Variants in NFE2L1 observed in about 807,000 individuals in gnomAD.
The protein encoded by NFE2L1 is NFE2 like bZIP transcription factor 1.
NFE2L1 carries 18 observed loss-of-function variants against 61.6 expected under a neutral mutation model. The ratio of observed to expected loss-of-function variants is 0.29; its 90% CI spans 0.20 to 0.43. NFE2L1 has a LOEUF of 0.43. NFE2L1 is among the 20% of genes least tolerant of loss of function. The pLI is 1.00. For missense variants in NFE2L1, 827 were observed against 973.5 expected (o/e 0.85, Z 2.00); for synonymous variants, 419 against 402.7 (o/e 1.04, Z -0.48).
intron 1 of NFE2L1, among the ~76,000 whole-genome samples, chr17:48,049,856 A>G (rs942768271): frequency 1.3e-5 from 2 of 152,172 alleles, no homozygotes; most frequent in African/African-American, 4.8e-5. Context: ...AGAAAAGACA[A>G]CTGTTATGGG....
At position 48,051,015 on chromosome 17, in the gene NFE2L1, CTG is replaced by C; in HGVS notation, c.-103_-102del. The C allele has an allele frequency of 7.0e-7, 1 of 1,437,512 alleles. No homozygotes were observed. Among genetic ancestry groups the C allele is most frequent in the Non-Finnish European group, 9.6e-7 (1 of 1,041,098 alleles). 89.0% of individuals were successfully genotyped at this position (1,437,512 alleles called of 1,614,324 possible). A position where few individuals can be genotyped will look rare whatever the true frequency, so the allele number is the denominator to read the frequency against. On this transcript the variant is annotated 5_prime_UTR_variant, in exon 2 of 6. It introduces an in-frame stop codon into an upstream open reading frame of the 5' UTR. Transcript: ENST00000362042. ...CCAGGGTGGGGTACGGGGTTTGACA[CTG>C]AGGAGGGTAACCTGCTGGCTGGAGC...
chr17:48,056,322 G>A, intron 2 of NFE2L1, 64 bp from the exon 3 acceptor site: 1 of 1,596,322 alleles, frequency 6.3e-7, no homozygotes, highest in Non-Finnish European at 8.6e-7. Context: ...AGGGAACTCT[G>A]AGGGGCAGGA....
intron 1 of NFE2L1, among the ~76,000 whole-genome samples, chr17:48,049,893 C>CA (rs1462867187): frequency 2.6e-5 from 4 of 152,114 alleles, no homozygotes; most frequent in Admixed American, 2.6e-4. Flanking sequence ...GGTGAAAATC[C>CA]AGCTTTACTT....
chr17:48,056,263 T>G (rs1598288526), intron 2 of NFE2L1, 123 bp from the exon 3 acceptor site: 9 of 961,794 alleles, frequency 9.4e-6, no homozygotes, highest in African/African-American at 3.2e-5. Flanking sequence ...GGCTGGCAGG[T>G]GAAGAGCTGG....
Position 48,057,356 on chromosome 17 carries a change from A to G in NFE2L1, c.826A>G (p.Ile276Val). Residue 276 changes from isoleucine to valine, a missense_variant, in exon 5 of 6, where the codon ATT becomes GTT. This residue lies in a region of NFE2L1 where 667 missense variants were observed against 748.4 expected (regional missense o/e 0.89). Transcript: ENST00000362042. The stretch of plus-strand genomic sequence containing the variant: ...TGTTTTGCCCTAGTTTCCAGCAGAC[A>G]TTTCCAGCATAACAGAAGCAGTGCC... Reference protein sequence around the residue: ...FGENAEFPADISSITEAVPSE... With the variant: ...FGENAEFPADVSSITEAVPSE... 1.2e-6 allele frequency: 2 copies of G among 1,613,550 alleles called. No homozygotes were observed. The highest frequency in any genetic ancestry group is 1.7e-6 in the Non-Finnish European group (2 of 1,179,826).
intron 2 of NFE2L1, among the ~76,000 whole-genome samples, chr17:48,053,764 G>C (rs908621494): frequency 2.0e-5 from 3 of 152,188 alleles, no homozygotes; most frequent in African/African-American, 7.2e-5. Flanking sequence ...CTGAGTCTGT[G>C]AGGGGCTTCT....
At chr17:48,050,477 T>TC in intron 1 of NFE2L1, 130 bp from the exon 2 acceptor site, 1 of 376,404 alleles carries the variant, frequency 2.7e-6, no homozygotes, top group Non-Finnish European at 4.7e-6. Context: ...AGACTCTGTC[T>TC]CAAAAAAAAA....
Position 48,057,074 on chromosome 17 carries a change from T to A in NFE2L1, c.766T>A (p.Cys256Ser), listed in dbSNP as rs200215555. The stretch of plus-strand genomic sequence containing the variant: ...CCAGACGGCCCTGTCCCTGGAAGAG[T>A]GCCTTAGGCTGCTGGAAGCCACCTG... Reference protein sequence around the residue: ...EDQTALSLEECLRLLEATCPF... With the variant: ...EDQTALSLEESLRLLEATCPF... Residue 256 changes from cysteine to serine, a missense_variant, in exon 4 of 6, where the codon TGC becomes AGC. Physicochemically the swap from Cys to Ser is moderately radical, Grantham distance 112. Around this residue, in one of 3 missense-constraint regions of NFE2L1, gnomAD observed 667 missense variants for 748.4 expected, o/e 0.89. Coordinates refer to ENST00000362042, the MANE Select transcript of NFE2L1 (RefSeq NM_003204.3). The A allele has an allele frequency of 1.4e-5, 22 of 1,613,236 alleles. No individual in the cohort carries two copies. The East Asian group carries it at 4.9e-4, about 36-fold the overall frequency.
chr17:48,059,110 G>A lies in NFE2L1; in HGVS notation c.1788G>A (p.Lys596=). The change falls in exon 6 of 6, where the codon AAG becomes AAA. Residue 596 remains lysine, a synonymous_variant. Coordinates refer to ENST00000362042, the MANE Select transcript of NFE2L1 (RefSeq NM_003204.3). This position sits in a 1 kb window ranked among gnomAD's most constrained non-coding sequence, Gnocchi z 6.1. Reference sequence around the variant, plus strand: ...ACCTGCCACCACCCAGTGCCCTCAAGAAAGGCAGCAAGGAGAAGCAGGCTG... The same window carrying A: ...ACCTGCCACCACCCAGTGCCCTCAAAAAAGGCAGCAAGGAGAAGCAGGCTG... ...SADLPPPSAL[K]KGSKEKQADF... is the part of the protein sequence containing the mutation. 1.2e-6 allele frequency: 2 copies of A among 1,614,078 alleles called. No individual in the cohort carries two copies. Among genetic ancestry groups the A allele is most frequent in the East Asian group, 2.2e-5 (1 of 44,880 alleles).
Position 48,058,481 on chromosome 17 carries a change from G to T in NFE2L1, c.1159G>T (p.Val387Leu), listed in dbSNP as rs765657555. 3 of 1,613,706 alleles carry T rather than the reference G, an allele frequency of 1.9e-6. No individual in the cohort carries two copies. In the South Asian group the frequency reaches 3.3e-5, roughly 18 times the overall value. Residue 387 changes from valine (V) to leucine (L), a missense_variant, in exon 6 of 6, where the codon GTG becomes TTG. Coordinates refer to ENST00000362042, the MANE Select transcript of NFE2L1 (RefSeq NM_003204.3). ...LFSPEVESLP[V>L]ASSSTLLPLA... ...CAGCCCCGAGGTGGAAAGCCTGCCT[G>T]TGGCCAGTAGCTCCACGCTGCTCCC...
chr17:48,054,963 G>GC (rs2037356638), intron 2 of NFE2L1: 1 of 1,470,348 alleles, frequency 6.8e-7, no homozygotes, highest in Non-Finnish European at 9.0e-7. Context: ...AGAGCTCCTT[G>GC]CAGCCCCCTG....
intron 1 of NFE2L1, among the ~76,000 whole-genome samples, chr17:48,049,907 A>T (rs1446249040): frequency 6.6e-6 from 1 of 152,194 alleles, no homozygotes; most frequent in African/African-American, 2.4e-5. Flanking sequence ...TTTACTTTTA[A>T]GACAGGAAAT....
Position 48,051,713 on chromosome 17 carries a change from T to C in NFE2L1, c.510+85T>C, listed in dbSNP as rs527338266. 1.0e-4 allele frequency: 155 copies of C among 1,496,146 alleles called. 3 individuals carry two copies. The South Asian group carries it at 2.0e-3, about 19-fold the overall frequency. The allele number at this position is 1,496,146 out of a possible 1,614,324, so 92.7% of individuals were successfully genotyped here. On this transcript the variant is annotated intron_variant, in intron 2 of 5. Coordinates refer to ENST00000362042, the MANE Select transcript of NFE2L1 (RefSeq NM_003204.3). Reference sequence around the variant, plus strand: ...GGATTGTGGTCAGAACACTGAGCCCTGTAAAGAGCCAGACAGGTTTCAGCA... The same window carrying C: ...GGATTGTGGTCAGAACACTGAGCCCCGTAAAGAGCCAGACAGGTTTCAGCA...
At chr17:48,058,146 T>C (rs2037448848) in intron 5 of NFE2L1, 149 bp from the exon 6 acceptor site, 2 of 1,104,800 alleles carry the variant, frequency 1.8e-6, no homozygotes, top group Admixed American at 6.0e-5. Flanking sequence ...TGGACGAAGC[T>C]GGGTCAGGAG....
At chr17:48,057,004 A>G (rs752806702) in intron 3 of NFE2L1, 28 bp from the exon 4 acceptor site, 2 of 1,612,792 alleles carry the variant, frequency 1.2e-6, no homozygotes, top group Non-Finnish European at 1.7e-6. Context: ...GCCCAGGTCA[A>G]TCAGACTTAC....
Position 48,057,359 on chromosome 17 carries a change from T to G in NFE2L1, c.829T>G (p.Ser277Ala), listed in dbSNP as rs1277251266. The G allele has an allele frequency of 1.9e-6, 3 of 1,613,464 alleles. No individual in the cohort carries two copies. The highest frequency in any genetic ancestry group is 2.5e-6 in the Non-Finnish European group (3 of 1,179,878). ...GENAEFPADI[S>A]SITEAVPSES... is the part of the protein sequence containing the mutation. The stretch of plus-strand genomic sequence containing the variant: ...TTTGCCCTAGTTTCCAGCAGACATT[T>G]CCAGCATAACAGAAGCAGTGCCTAG... Residue 277 changes from serine to alanine, a missense_variant, in exon 5 of 6, where the codon TCC becomes GCC. By Grantham distance (99) the Ser-to-Ala change is moderately conservative. Around this residue, in one of 3 missense-constraint regions of NFE2L1, gnomAD observed 667 missense variants for 748.4 expected, o/e 0.89. Transcript: ENST00000362042.
intron 5 of NFE2L1, 103 bp from the exon 6 acceptor site, chr17:48,058,192 T>C (rs2037449739): frequency 1.4e-6 from 2 of 1,477,130 alleles, no homozygotes; most frequent in African/African-American, 2.8e-5. Flanking sequence ...GTATTTTGCC[T>C]TTACACCCAT....
chr17:48,051,835 C>T (rs1373477363), intron 2 of NFE2L1, among the ~76,000 whole-genome samples: 1 of 152,094 alleles, frequency 6.6e-6, no homozygotes, highest in African/African-American at 2.4e-5. Flanking sequence ...CATTGACCTA[C>T]CTCTAAATGT....
At chr17:48,054,849 C>G in intron 2 of NFE2L1, 1 of 1,146,824 alleles carries the variant, frequency 8.7e-7, no homozygotes, top group South Asian at 2.0e-5. Flanking sequence ...AGGAAGGGGG[C>G]TGGCTGGGCC....
Sources: allele counts gnomAD v4.1 joint callset (sites outside exome capture counted in the v4.1 genomes callset), GRCh38; gene constraint gnomAD v4.1.1; regional missense constraint gnomAD v4.1.1; non-coding constraint Gnocchi (gnomAD v3.1); transcripts MANE v1.5; gene names NCBI Gene and HGNC (gene_info 2026-07-23, HGNC 2026-07-21).